The following USH2A variants were observed in gnomAD, a reference collection of about 807,000 sequenced individuals.
USH2A encodes usherin.
USH2A carries 443 observed loss-of-function variants against 538.9 expected under a neutral mutation model. The ratio of observed to expected loss-of-function variants is 0.82; its 90% CI spans 0.76 to 0.89. The LOEUF is 0.89. Ranked by LOEUF, USH2A falls within the 40% of genes least tolerant of loss-of-function variation. The probability of loss-of-function intolerance (pLI) is 0.00; values close to 1 mark genes in which losing one functional copy is unlikely to be tolerated. For synonymous variants in USH2A, 2,413 were observed against 2,273.5 expected, an observed-to-expected ratio of 1.06 and a Z score of -1.75; for missense variants, 6,633 against 6,324.8, an observed-to-expected ratio of 1.05 and a Z score of -1.65.
chr1:216,176,230 A>AC (rs1558299112), intron 20 of USH2A, among the ~76,000 whole-genome samples: 1 of 146,380 alleles, frequency 6.8e-6, no homozygotes, highest in Non-Finnish European at 1.5e-5. Context: ...ACCTTTATTT[A>AC]TTTTTTTTTT....
At chr1:216,019,881 C>T (rs545037138) in intron 32 of USH2A, among the ~76,000 whole-genome samples, 2 of 152,286 alleles carry the variant, frequency 1.3e-5, no homozygotes, top group African/African-American at 4.8e-5. Context: ...TAGAATTATG[C>T]TGTATACCTA....
At chr1:216,303,947 G>A (rs560685181) in intron 9 of USH2A, among the ~76,000 whole-genome samples, 1 of 151,916 alleles carries the variant, frequency 6.6e-6, no homozygotes, top group Non-Finnish European at 1.5e-5. Context: ...ATTTAGTAAT[G>A]GTTATTCCAT....
intron 44 of USH2A, among the ~76,000 whole-genome samples, chr1:215,860,914 G>A (rs1481611230): frequency 1.3e-5 from 2 of 152,202 alleles, no homozygotes; most frequent in Non-Finnish European, 2.9e-5. Flanking sequence ...CTTGCTCGCA[G>A]AATCTCCAAA....
chr1:215,630,102 A>AAGTC, intron 70 of USH2A: 1 of 516,956 alleles, frequency 1.9e-6, no homozygotes, highest in South Asian at 1.4e-5. Flanking sequence ...GGATATATGG[A>AAGTC]AGTCATCAAT....
chr1:215,860,671 G>A (rs141638855), intron 44 of USH2A, among the ~76,000 whole-genome samples: 2 of 152,134 alleles, frequency 1.3e-5, no homozygotes, highest in Non-Finnish European at 2.9e-5. Context: ...GAGACTGTAT[G>A]GGCTTCAAAG....
intron 47 of USH2A, among the ~76,000 whole-genome samples, chr1:215,836,522 T>TA (rs1663521373): frequency 3.3e-5 from 1 of 30,456 alleles, no homozygotes; most frequent in Non-Finnish European, 5.9e-5. Flanking sequence ...ATATATAATA[T>TA]ATATTATATA....
chr1:215,709,496 C>G (rs1659275389), intron 61 of USH2A, among the ~76,000 whole-genome samples: 1 of 148,180 alleles, frequency 6.7e-6, no homozygotes, highest in South Asian at 2.3e-4. Flanking sequence ...AAATCTTTTT[C>G]CTCTTTGAAA....
At chr1:215,912,433 A>G (rs7546277) in intron 38 of USH2A, among the ~76,000 whole-genome samples, 1 of 145,528 alleles carries the variant, frequency 6.9e-6, no homozygotes, top group Non-Finnish European at 1.5e-5. Context: ...AGAATTTTTG[A>G]GGGTAGGTAG....
intron 49 of USH2A, among the ~76,000 whole-genome samples, chr1:215,811,255 A>C (rs1662667029): frequency 6.6e-6 from 1 of 152,196 alleles, no homozygotes; most frequent in Non-Finnish European, 1.5e-5. Flanking sequence ...GCACCTTTAT[A>C]AAATTAACAA....
chr1:216,215,583 T>G (rs1385859261), intron 15 of USH2A, among the ~76,000 whole-genome samples: 1 of 152,114 alleles, frequency 6.6e-6, no homozygotes, highest in Non-Finnish European at 1.5e-5. Context: ...GGCAGGAAAG[T>G]TGTCTCATTT....
chr1:216,245,503 GA>G, intron 13 of USH2A, among the ~76,000 whole-genome samples: 2 of 143,616 alleles, frequency 1.4e-5, no homozygotes, highest in South Asian at 4.6e-4. Flanking sequence ...GAGAGAGAGA[GA>G]GAGAGAGAGA....
intron 32 of USH2A, among the ~76,000 whole-genome samples, chr1:216,003,001 C>A (rs77137516): frequency 3.3e-5 from 5 of 152,042 alleles, no homozygotes; most frequent in Admixed American, 6.6e-5. Context: ...CCTAAACCCA[C>A]CCAGAATATC....
chr1:216,056,022 G>A (rs1410406732), intron 30 of USH2A, among the ~76,000 whole-genome samples: 1 of 152,112 alleles, frequency 6.6e-6, no homozygotes, highest in East Asian at 1.9e-4. Context: ...AAAATATGTG[G>A]TCTAATCCCA....
intron 60 of USH2A, among the ~76,000 whole-genome samples, chr1:215,740,066 T>C (rs531664543): frequency 1.3e-5 from 2 of 152,280 alleles, no homozygotes; most frequent in South Asian, 4.1e-4. Flanking sequence ...ATGATTGTAT[T>C]TTCTGTCTTA....
chr1:215,649,199 A>G (rs1156678993), intron 65 of USH2A, among the ~76,000 whole-genome samples: 1 of 152,222 alleles, frequency 6.6e-6, no homozygotes, highest in East Asian at 1.9e-4. Flanking sequence ...GGTTACTTGC[A>G]TGCAATTTCT....
chr1:215,856,832 GGTGTGTGTGTGT>G (rs71159889), intron 44 of USH2A, among the ~76,000 whole-genome samples: 13,513 of 141,944 alleles, frequency 0.095, 657 homozygotes, highest in East Asian at 0.15. Flanking sequence ...AAAAAAATTT[GGTGTGTGTGTGT>G]GTGTGTGTGT....
At chr1:216,236,038 C>T (rs2102528639) in intron 13 of USH2A, among the ~76,000 whole-genome samples, 1 of 152,116 alleles carries the variant, frequency 6.6e-6, no homozygotes, top group South Asian at 2.1e-4. Flanking sequence ...AATAATTTTC[C>T]TCCATTTGGT....
intron 11 of USH2A, among the ~76,000 whole-genome samples, chr1:216,269,751 C>T (rs2036539906): frequency 6.6e-6 from 1 of 152,088 alleles, no homozygotes; most frequent in African/African-American, 2.4e-5. Flanking sequence ...TGATCACACC[C>T]AGGACCTCAC....
chr1:216,198,822 A>C (rs2034916074), intron 17 of USH2A, among the ~76,000 whole-genome samples: 1 of 152,204 alleles, frequency 6.6e-6, no homozygotes, highest in Non-Finnish European at 1.5e-5. Context: ...TATTAAAGGC[A>C]TACTCATGAG....
Sources: gnomAD v4.1 joint callset for allele counts (sites outside exome capture counted in the v4.1 genomes callset) on GRCh38, gnomAD v4.1.1 for gene constraint, MANE v1.5 for transcripts, NCBI Gene and HGNC (gene_info 2026-07-23, HGNC 2026-07-21) for gene names.